RBMXL1: variants seen among roughly 807,000 people sequenced by gnomAD.
RBMXL1 encodes RNA binding motif protein, X-linked-like-1.
RBMXL1 carries 18 observed loss-of-function variants against 29.0 expected under a neutral mutation model. That is an observed-to-expected ratio of 0.62 (90% CI 0.43 to 0.92). The LOEUF is 0.92. Ranked by LOEUF, RBMXL1 falls within the 40% of genes least tolerant of loss-of-function variation. The pLI is 0.00. For synonymous variants in RBMXL1, 141 were observed against 170.4 expected, an observed-to-expected ratio of 0.83 and a Z score of 1.34; for missense variants, 403 against 495.8, an observed-to-expected ratio of 0.81 and a Z score of 1.78.
Position 88,983,199 on chromosome 1 carries a change from T to C in RBMXL1, c.628A>G (p.Arg210Gly), listed in dbSNP as rs1017394038. Residue 210 changes from arginine to glycine, a missense_variant, in exon 3 of 3, where the codon AGA (arginine) becomes GGA (glycine). Transcript: ENST00000652648. ...PSRRDVYLSP[R>G]DDGYSTKDSY... is the part of the protein sequence containing the mutation. ...TCTTTAGTAGAATACCCATCATCTC[T>C]TGGGGACAAATAAACATCTCTACGA... 30 of 1,612,788 alleles carry C rather than the reference T, an allele frequency of 1.9e-5. No homozygotes were observed. The highest frequency in any genetic ancestry group is 2.5e-5 in the Non-Finnish European group (29 of 1,180,012).
intron 2 of RBMXL1, among the ~76,000 whole-genome samples, chr1:88,984,867 T>G (rs1677354320): frequency 1.3e-5 from 2 of 152,260 alleles, no homozygotes. Context: ...TGCCTTCATT[T>G]GCAATCCAAT....
chr1:88,980,095 A>C lies in RBMXL1; in HGVS notation c.*2559T>G, dbSNP rs1190359468. On this transcript the variant is annotated 3_prime_UTR_variant, in exon 3 of 3. Coordinates refer to ENST00000652648, the MANE Select transcript of RBMXL1 (RefSeq NM_001162536.3). ...CATGCTACACAATCCCATTTATATA[A>C]AATACTAAACACCACCACAAAGCAA... 1 of 152,220 alleles carries C rather than the reference A, an allele frequency of 6.6e-6. No individual in the cohort carries two copies. Among genetic ancestry groups the C allele is most frequent in the Non-Finnish European group, 1.5e-5 (1 of 68,034 alleles). The allele number at this position is 152,220 out of a possible 1,614,324, so 9.4% of individuals were successfully genotyped here.
rs942333653 is a variant in RBMXL1 at position 88,983,030 on chromosome 1, T to G, written c.797A>C (p.Tyr266Ser). ...ATCTGAATAGTCACGATCACGACCA[T>G]ATCCATCTCTATCGCCATAGCCTCT... Reference protein sequence around the residue: ...PSRGYGDRDGYGRDRDYSDHP... With the variant: ...PSRGYGDRDGSGRDRDYSDHP... The change falls in exon 3 of 3, where the codon TAT becomes TCT. Residue 266 changes from tyrosine (Y) to serine (S), a missense_variant. By Grantham distance (144) the Tyr-to-Ser change is moderately radical. Transcript: ENST00000652648. 7 of 1,612,640 alleles carry G rather than the reference T, an allele frequency of 4.3e-6. No homozygotes were observed. The African/African-American group carries it at 8.0e-5, about 18-fold the overall frequency.
At chr1:88,985,189 A>T (rs1677377009) in intron 2 of RBMXL1, among the ~76,000 whole-genome samples, 1 of 152,224 alleles carries the variant, frequency 6.6e-6, no homozygotes, top group Non-Finnish European at 1.5e-5. Context: ...TCTCAAAAAA[A>T]ATTGGGTTCA....
In RBMXL1 at chr1:88,981,519, G is replaced by A. The variant is rs1382425598; in HGVS notation, c.*1135C>T. 1 of 155,674 alleles carries A rather than the reference G, an allele frequency of 6.4e-6. No homozygotes were observed. Among genetic ancestry groups the A allele is most frequent in the African/African-American group, 2.4e-5 (1 of 41,484 alleles). 9.6% of individuals were successfully genotyped at this position (155,674 alleles called of 1,614,324 possible). ...TAACTACCACTCACTCCCTAGTTAT[G>A]AGTGTTAATCAACACTGATGCCTTC... On this transcript the variant is annotated 3_prime_UTR_variant, in exon 3 of 3. Coordinates refer to ENST00000652648, the MANE Select transcript of RBMXL1 (RefSeq NM_001162536.3).
rs893830627 is a variant in RBMXL1, at chr1:88,979,507, A to G, written c.*3147T>C. 1 of 152,258 alleles carries G rather than the reference A, an allele frequency of 6.6e-6. No individual in the cohort carries two copies. Among genetic ancestry groups the G allele is most frequent in the African/African-American group, 2.4e-5 (1 of 41,476 alleles). The allele number at this position is 152,258 out of a possible 1,614,324, so 9.4% of individuals were successfully genotyped here. On this transcript the variant is annotated 3_prime_UTR_variant, in exon 3 of 3. Coordinates refer to ENST00000652648, the MANE Select transcript of RBMXL1 (RefSeq NM_001162536.3). ...ATATATAAAGAACTTTTACAACTCA[A>G]TAAGACAAACAATCCAATTAAAAGT...
rs567391476 is a variant in RBMXL1 at position 88,982,038 on chromosome 1, G to A, written c.*616C>T. 1 of 979,236 alleles carries A rather than the reference G, an allele frequency of 1.0e-6. No individual in the cohort carries two copies. Among genetic ancestry groups the A allele is most frequent in the South Asian group, 4.7e-5 (1 of 21,142 alleles). The allele number at this position is 979,236 out of a possible 1,614,324, so 60.7% of individuals were successfully genotyped here. A position where few individuals can be genotyped will look rare whatever the true frequency, so the allele number is the denominator to read the frequency against. On this transcript the variant is annotated 3_prime_UTR_variant, in exon 3 of 3. Transcript: ENST00000652648. Reference sequence around the variant, plus strand: ...CACTTAAATGGTCTTATTGTGGGAGGGGAAAGGGGAGGTTCTTGCAGATTC... The same window carrying A: ...CACTTAAATGGTCTTATTGTGGGAGAGGAAAGGGGAGGTTCTTGCAGATTC...
chr1:88,990,608 A>C (rs1029571492), intron 1 of RBMXL1, among the ~76,000 whole-genome samples: 1 of 152,110 alleles, frequency 6.6e-6, no homozygotes, highest in Non-Finnish European at 1.5e-5. Flanking sequence ...CCTCTCCCAC[A>C]ATCCGCCATT....
chr1:88,984,141 T>C (rs767403019), intron 2 of RBMXL1, 75 bp from the exon 3 acceptor site: 9 of 288,468 alleles, frequency 3.1e-5, no homozygotes, highest in Non-Finnish European at 6.1e-5. Context: ...TAAAGATACA[T>C]AAAAAATGCA....
At chr1:88,990,226 C>T (rs1677702813) in intron 1 of RBMXL1, among the ~76,000 whole-genome samples, 1 of 151,780 alleles carries the variant, frequency 6.6e-6, no homozygotes. Flanking sequence ...TGATTATTAC[C>T]TCTTTACTCC....
rs1367153193 is a variant in RBMXL1, at chr1:88,981,300, G to A, written c.*1354C>T. The A allele has an allele frequency of 2.0e-5, 3 of 152,196 alleles. No individual in the cohort carries two copies. Among genetic ancestry groups the A allele is most frequent in the Non-Finnish European group, 2.9e-5 (2 of 68,038 alleles). 9.4% of individuals were successfully genotyped at this position (152,196 alleles called of 1,614,324 possible). A position where few individuals can be genotyped will look rare whatever the true frequency, so the allele number is the denominator to read the frequency against. On this transcript the variant is annotated 3_prime_UTR_variant, in exon 3 of 3. Transcript: ENST00000652648. ...CTGACAAGACACTTCACCAGATAGA[G>A]CTACCACTTATATCCATCATTTTTA...
At position 88,983,934 on chromosome 1, in the gene RBMXL1, G is replaced by C. The variant is rs1384221373; in HGVS notation, c.-108C>G. 2.3e-5 allele frequency: 27 copies of C among 1,188,896 alleles called. No homozygotes were observed. Among genetic ancestry groups the C allele is most frequent in the Non-Finnish European group, 3.2e-5 (26 of 809,582 alleles). 73.6% of individuals were successfully genotyped at this position (1,188,896 alleles called of 1,614,324 possible). On this transcript the variant is annotated 5_prime_UTR_variant, in exon 3 of 3. Transcript: ENST00000652648. ...AGCACCAGTGGCGGCTGTCAGTTAG[G>C]AGGACTGAACCGCGAAGCCGCTAGC...
chr1:88,992,042 G>C (rs1399990798), intron 1 of RBMXL1, among the ~76,000 whole-genome samples: 4 of 148,802 alleles, frequency 2.7e-5, no homozygotes, highest in Non-Finnish European at 4.4e-5. Context: ...GCAGTGGCCC[G>C]ATCTCGGCTC....
chr1:88,979,540 A>C lies in RBMXL1; in HGVS notation c.*3114T>G, dbSNP rs1302578203. 6.6e-6 allele frequency: 1 copy of C among 152,216 alleles called. No individual in the cohort carries two copies. Among genetic ancestry groups the C allele is most frequent in the Non-Finnish European group, 1.5e-5 (1 of 68,030 alleles). 9.4% of individuals were successfully genotyped at this position (152,216 alleles called of 1,614,324 possible). A position where few individuals can be genotyped will look rare whatever the true frequency, so the allele number is the denominator to read the frequency against. Reference sequence around the variant, plus strand: ...AACAATCCAATTAAAAGTGGGCAAAAGATTTGACAGCCACTTCACAGAAAA... The same window carrying C: ...AACAATCCAATTAAAAGTGGGCAAACGATTTGACAGCCACTTCACAGAAAA... On this transcript the variant is annotated 3_prime_UTR_variant, in exon 3 of 3. Transcript: ENST00000652648.
intron 2 of RBMXL1, among the ~76,000 whole-genome samples, chr1:88,987,487 C>T (rs534438171): frequency 6.6e-6 from 1 of 152,024 alleles, no homozygotes; most frequent in East Asian, 1.9e-4. Context: ...AGGTTGAATA[C>T]AAAATTGTCA....
At position 88,983,713 on chromosome 1, in the gene RBMXL1, G is replaced by A. The variant is rs1378555462; in HGVS notation, c.114C>T (p.Leu38=). The A allele has an allele frequency of 6.2e-7, 1 of 1,613,970 alleles. No homozygotes were observed. The highest frequency in any genetic ancestry group is 1.7e-5 in the Admixed American group (1 of 60,028). Residue 38 remains leucine (L), a synonymous_variant, in exon 3 of 3, where the codon CTC becomes CTT. Transcript: ENST00000652648. ...FGKYGRIVEV[L]LIKDRETNKS... ...TGTTGGTTTCACGGTCTTTTATCAA[G>A]AGTACTTCCACTATTCGTCCATATT... is the stretch of plus-strand genomic sequence containing the variant.
chr1:88,984,204 CTTTTTTTTTTT>C (rs908183722), intron 2 of RBMXL1, 138 bp from the exon 3 acceptor site: 7 of 81,756 alleles, frequency 8.6e-5, no homozygotes, highest in Admixed American at 5.1e-4. Flanking sequence ...TTTTTTGTTG[CTTTTTTTTTTT>C]TTTTTTTTTT....
At chr1:88,988,170 A>G (rs1677579762) in intron 2 of RBMXL1, 82 bp downstream of exon 2, 1 of 858,802 alleles carries the variant, frequency 1.2e-6, no homozygotes, top group Non-Finnish European at 1.9e-6. Flanking sequence ...AAGTATTTGT[A>G]AAAAAGCATC....
In RBMXL1 at chr1:88,983,849, G is replaced by T. The variant is rs1450698774; in HGVS notation, c.-23C>A. On this transcript the variant is annotated 5_prime_UTR_variant, in exon 3 of 3. Coordinates refer to ENST00000652648, the MANE Select transcript of RBMXL1 (RefSeq NM_001162536.3). ...CATTTTTTTTTTTGCCGGTGAGTCGGAGGGGTGACAGTGGGTTCAAGCTCC... is the reference window on the plus strand; with the variant it reads ...CATTTTTTTTTTTGCCGGTGAGTCGTAGGGGTGACAGTGGGTTCAAGCTCC... The T allele has an allele frequency of 6.4e-7, 1 of 1,565,510 alleles. No homozygotes were observed.
Sources: allele counts gnomAD v4.1 joint callset (sites outside exome capture counted in the v4.1 genomes callset), GRCh38; gene constraint gnomAD v4.1.1; transcripts MANE v1.5; gene names NCBI Gene and HGNC (gene_info 2026-07-23, HGNC 2026-07-21).